Variants in PCM1 observed in about 807,000 individuals in gnomAD.
PCM1 encodes pericentriolar material 1 protein.
A neutral mutation model predicts 241.9 loss-of-function variants in PCM1; 157 were observed. That is an observed-to-expected ratio of 0.65 (90% CI 0.57 to 0.74). The LOEUF (loss-of-function observed/expected upper bound fraction) is 0.74, where lower values mean the gene tolerates loss of function less well. PCM1 is among the 30% of genes least tolerant of loss of function. The pLI is 0.00. For synonymous variants in PCM1, 1,085 were observed against 784.9 expected (o/e 1.38, Z -6.39); for missense variants, 3,478 against 2,360.1 (o/e 1.47, Z -9.81).
chr8:17,984,085 G>A (rs1441406355), intron 24 of PCM1, among the ~76,000 whole-genome samples: 1 of 152,108 alleles, frequency 6.6e-6, no homozygotes, highest in Non-Finnish European at 1.5e-5. Context: ...CCTCTTGACT[G>A]CAGAAGTGGT....
chr8:18,015,393 T>G (rs2093036866), intron 36 of PCM1, among the ~76,000 whole-genome samples: 1 of 152,146 alleles, frequency 6.6e-6, no homozygotes, highest in African/African-American at 2.4e-5. Context: ...GCTGCAAACA[T>G]AAATGAAACT....
At chr8:17,930,826 G>T (rs1168490841) in intron 2 of PCM1, among the ~76,000 whole-genome samples, 3 of 151,680 alleles carry the variant, frequency 2.0e-5, no homozygotes, top group Non-Finnish European at 4.4e-5. Context: ...CTTGTAGTGA[G>T]CCCAGATGGC....
Position 18,027,690 on chromosome 8 carries a change from G to C in PCM1, c.*28G>C. On this transcript the variant is annotated 3_prime_UTR_variant, in exon 39 of 39. Transcript: ENST00000325083. Reference sequence around the variant, plus strand: ...TGTCTTCAGAGGCTCATCTAACTCTGTCCTTACATACTCAATGCATATATG... The same window carrying C: ...TGTCTTCAGAGGCTCATCTAACTCTCTCCTTACATACTCAATGCATATATG... 6.5e-7 allele frequency: 1 copy of C among 1,537,386 alleles called. No homozygotes were observed. Among genetic ancestry groups the C allele is most frequent in the Non-Finnish European group, 8.9e-7 (1 of 1,118,196 alleles).
At position 18,019,112 on chromosome 8, in the gene PCM1, G is replaced by A. The variant is rs185953700; in HGVS notation, c.5841+4272G>A. 4.2e-3 allele frequency among the ~76,000 whole-genome samples: 641 copies of A among 151,902 alleles called. 4 individuals are homozygous for A. Among genetic ancestry groups the A allele is most frequent in the South Asian group, 0.02 (94 of 4,816 alleles). On this transcript the variant is annotated intron_variant, in intron 36 of 38. Transcript: ENST00000325083. ...TATTCCAGTAAGCCAGTAGTTCTCT[G>A]CTTATACCTGGAAGAACCAGCAATA...
chr8:17,930,941 A>C (rs192594880), intron 2 of PCM1, among the ~76,000 whole-genome samples: 1 of 152,240 alleles, frequency 6.6e-6, no homozygotes, highest in Admixed American at 6.5e-5. Context: ...TAATAGTTTT[A>C]CTTTTTAAAG....
chr8:17,976,817 T>G (rs17635461), intron 23 of PCM1, among the ~76,000 whole-genome samples: 2 of 152,112 alleles, frequency 1.3e-5, no homozygotes, highest in South Asian at 2.1e-4. Context: ...TACCTTAACT[T>G]TGGAAATCTA....
chr8:17,979,324 T>C (rs1005920959), intron 23 of PCM1, among the ~76,000 whole-genome samples: 1 of 152,168 alleles, frequency 6.6e-6, no homozygotes, highest in South Asian at 2.1e-4. Context: ...ATAATGGTAG[T>C]AAATATTGGA....
chr8:17,982,409 A>C (rs2081174327), intron 24 of PCM1: 1 of 152,190 alleles, frequency 6.6e-6, no homozygotes, highest in African/African-American at 2.4e-5. Flanking sequence ...ACTTAGTGAA[A>C]TATAATGATT....
In PCM1 at chr8:17,940,148, C is replaced by G. The variant is rs773092971; in HGVS notation, c.783+287C>G. 26 of 1,531,708 alleles carry G rather than the reference C, an allele frequency of 1.7e-5. No homozygotes were observed. In the East Asian group the frequency reaches 2.3e-4, roughly 14 times the overall value. 94.9% of individuals were successfully genotyped at this position (1,531,708 alleles called of 1,614,324 possible). A position where few individuals can be genotyped will look rare whatever the true frequency, so the allele number is the denominator to read the frequency against. On this transcript the variant is annotated intron_variant, in intron 6 of 38. Transcript: ENST00000325083. ...AACATAGATGTGCAGTCTGAGGCTT[C>G]AGATACCACGGTAAGCGGCTTTTTG...
chr8:17,928,978 T>C (rs1463838262), intron 2 of PCM1, among the ~76,000 whole-genome samples: 1 of 152,128 alleles, frequency 6.6e-6, no homozygotes, highest in Non-Finnish European at 1.5e-5. Flanking sequence ...TCAAGATACT[T>C]CTATTTTAAT....
Position 18,011,263 on chromosome 8 carries a change from G to A in PCM1, c.5247G>A (p.Lys1749=), listed in dbSNP as rs922242527. 4 of 1,606,028 alleles carry A rather than the reference G, an allele frequency of 2.5e-6. No individual in the cohort carries two copies. The highest frequency in any genetic ancestry group is 3.4e-6 in the Non-Finnish European group (4 of 1,176,078). The part of the protein sequence containing the change: ...DKDKDETETV[K]QTQTSEVYDG... The stretch of plus-strand genomic sequence containing the variant: ...ACAAGGATGAAACTGAAACAGTTAA[G>A]CAGACTCAAACATCTGAGGTGTATG... Residue 1749 remains lysine, a synonymous_variant, in exon 33 of 39, where the codon AAG becomes AAA. Coordinates refer to ENST00000325083, the MANE Select transcript of PCM1 (RefSeq NM_006197.4).
intron 36 of PCM1, among the ~76,000 whole-genome samples, chr8:18,017,243 A>G (rs1021187024): frequency 3.3e-5 from 5 of 152,224 alleles, no homozygotes; most frequent in Non-Finnish European, 2.9e-5. Flanking sequence ...CTAAATTGGA[A>G]ATCTCATTTG....
chr8:17,983,257 A>T, intron 24 of PCM1: 1 of 1,324,766 alleles, frequency 7.5e-7, no homozygotes, highest in Non-Finnish European at 9.9e-7. Flanking sequence ...ATACTACAGC[A>T]GTCTAACAGA....
intron 21 of PCM1, among the ~76,000 whole-genome samples, chr8:17,968,901 G>T (rs1041380452): frequency 2.0e-5 from 3 of 151,748 alleles, no homozygotes; most frequent in African/African-American, 7.3e-5. Flanking sequence ...AGACTTTTAA[G>T]TAATAAGAAA....
At chr8:17,946,822 T>C (rs1225544903) in intron 6 of PCM1, among the ~76,000 whole-genome samples, 3 of 146,816 alleles carry the variant, frequency 2.0e-5, no homozygotes, top group Admixed American at 6.8e-5. Flanking sequence ...TGTAGGGGCC[T>C]AGATTCTTCA....
chr8:17,995,058 T>C (rs2086179229), intron 29 of PCM1, among the ~76,000 whole-genome samples: 1 of 151,514 alleles, frequency 6.6e-6, no homozygotes, highest in Admixed American at 6.6e-5. Context: ...GCTTTTGCTT[T>C]GGTTGCCAGT....
Position 17,939,722 on chromosome 8 carries a change from A to T in PCM1, c.644A>T (p.Tyr215Phe), listed in dbSNP as rs1266698475. 10 of 1,546,972 alleles carry T rather than the reference A, an allele frequency of 6.5e-6. No individual in the cohort carries two copies. The highest frequency in any genetic ancestry group is 8.7e-6 in the Non-Finnish European group (10 of 1,146,068). Residue 215 changes from tyrosine (Y) to phenylalanine (F), a missense_variant, in exon 6 of 39, where the codon TAT (tyrosine) becomes TTT (phenylalanine). Coordinates refer to ENST00000325083, the MANE Select transcript of PCM1 (RefSeq NM_006197.4). ...AGCAGGCTTGTTCAAATTCGCGATT[A>T]TATTACTAAAGCTAGTTCCATGCGG... ...IVSRLVQIRD[Y>F]ITKASSMRED...
chr8:18,027,599 A>T, intron 38 of PCM1, 38 bp from the exon 39 acceptor site: 5 of 1,465,110 alleles, frequency 3.4e-6, no homozygotes, highest in Non-Finnish European at 4.7e-6. Context: ...TAGTAATTCG[A>T]TAAGTAATTT....
At chr8:17,946,039 T>C (rs984798494) in intron 6 of PCM1, among the ~76,000 whole-genome samples, 25 of 152,228 alleles carry the variant, frequency 1.6e-4, no homozygotes, top group Non-Finnish European at 7.4e-5. Context: ...TAGCTTGTAA[T>C]ATATTGTTTC....
Sources: gnomAD v4.1 joint callset for allele counts (sites outside exome capture counted in the v4.1 genomes callset) on GRCh38, gnomAD v4.1.1 for gene constraint, MANE v1.5 for transcripts, NCBI Gene and HGNC (gene_info 2026-07-23, HGNC 2026-07-21) for gene names.